The following DACH2 variants were observed in gnomAD, a reference collection of about 807,000 sequenced individuals.
DACH2 encodes dachshund homolog 2.
Under a neutral mutation model 35.8 loss-of-function variants are expected in DACH2, and 17 were observed. The observed-to-expected ratio is 0.48, with a 90% CI of 0.33 to 0.71. DACH2 has a LOEUF of 0.71. Among genes scored for constraint, DACH2 ranks in the 30% least tolerant of loss-of-function variants. DACH2 has a pLI of 0.02. For missense variants in DACH2, 469 were observed against 472.7 expected, an observed-to-expected ratio of 0.99 and a Z score of 0.07; for synonymous variants, 195 against 177.3, an observed-to-expected ratio of 1.10 and a Z score of -0.79.
chrX:86,497,868 T>A (rs2038195472), intron 2 of DACH2, among the ~76,000 whole-genome samples: 1 of 111,055 alleles, frequency 9.0e-6, no homozygotes, highest in Non-Finnish European at 1.9e-5. Context: ...GTGGCACATG[T>A]CTGTAGTCCC....
chrX:86,808,159 G>A (rs1002633631), intron 7 of DACH2, among the ~76,000 whole-genome samples: 2 of 111,720 alleles, frequency 1.8e-5, no homozygotes, highest in African/African-American at 6.5e-5. Flanking sequence ...TAATGTATCC[G>A]CTCCTTAATG....
chrX:86,742,749 G>A (rs1312406078), intron 7 of DACH2: 5 of 281,874 alleles, frequency 1.8e-5, no homozygotes, highest in Non-Finnish European at 2.7e-5. Flanking sequence ...TTGCTTATTT[G>A]ATACACATAT....
intron 1 of DACH2, among the ~76,000 whole-genome samples, chrX:86,223,833 T>C (rs1046756643): frequency 8.9e-6 from 1 of 112,295 alleles, no homozygotes; most frequent in African/African-American, 3.2e-5. Context: ...TTGTTGGGGT[T>C]GTGGTTATCT....
chrX:86,515,380 C>A (rs2148271638), intron 3 of DACH2, among the ~76,000 whole-genome samples: 1 of 110,030 alleles, frequency 9.1e-6, no homozygotes, highest in East Asian at 2.9e-4. Context: ...GTAGGCTGAG[C>A]ATTGGACAGA....
chrX:86,561,843 A>T (rs1177996421), intron 3 of DACH2, among the ~76,000 whole-genome samples: 1 of 73,757 alleles, frequency 1.4e-5, no homozygotes, highest in Non-Finnish European at 2.5e-5. Context: ...TGGCACATGT[A>T]TACATATGTA....
intron 3 of DACH2, among the ~76,000 whole-genome samples, chrX:86,624,123 A>G (rs2040105497): frequency 9.1e-6 from 1 of 109,443 alleles, no homozygotes; most frequent in Admixed American, 9.7e-5. Context: ...GAGTCAATAA[A>G]TCTCCTTTAG....
rs777584567 is a variant in DACH2, at chrX:86,487,389, A to G, written c.528-26890A>G. ...TTGTGTATAAGGTGCTATTCCAGGA[A>G]CGGTGGTAGGCTTAAAGATGAAATT... On this transcript the variant is annotated intron_variant, in intron 2 of 11. Coordinates refer to ENST00000373125, the MANE Select transcript of DACH2 (RefSeq NM_053281.3). Among the ~76,000 whole-genome samples the G allele has an allele frequency of 6.3e-5, 7 of 111,981 alleles. No individual in the cohort carries two copies. The East Asian group carries it at 2.0e-3, about 32-fold the overall frequency.
chrX:86,770,657 A>T (rs750039384), intron 7 of DACH2, among the ~76,000 whole-genome samples: 1 of 111,767 alleles, frequency 8.9e-6, no homozygotes, highest in Non-Finnish European at 1.9e-5. Flanking sequence ...TACATTCCTT[A>T]TTTTTCCGGG....
chrX:86,500,859 AC>A (rs780477328), intron 2 of DACH2, among the ~76,000 whole-genome samples: 3 of 111,832 alleles, frequency 2.7e-5, no homozygotes, highest in Non-Finnish European at 5.6e-5. Context: ...GCAGTAAGTA[AC>A]CTTTTGCATG....
intron 4 of DACH2, among the ~76,000 whole-genome samples, chrX:86,676,520 G>A (rs1411120686): frequency 9.0e-6 from 1 of 111,642 alleles, no homozygotes; most frequent in African/African-American, 3.3e-5. Flanking sequence ...AACTTTCTGC[G>A]ATGATGGAAA....
chrX:86,432,040 C>A (rs751225804), intron 2 of DACH2, among the ~76,000 whole-genome samples: 1 of 111,666 alleles, frequency 9.0e-6, no homozygotes, highest in African/African-American at 3.2e-5. Flanking sequence ...AGTTTAAGGT[C>A]CAGAGAAAAC....
intron 3 of DACH2, among the ~76,000 whole-genome samples, chrX:86,630,523 C>T (rs867931392): frequency 9.1e-6 from 1 of 110,490 alleles, no homozygotes. Flanking sequence ...GGAAGTTTCT[C>T]ACCCAATTTC....
intron 3 of DACH2, among the ~76,000 whole-genome samples, chrX:86,576,814 C>G (rs1375994144): frequency 2.7e-5 from 3 of 110,531 alleles, no homozygotes; most frequent in Non-Finnish European, 5.7e-5. Flanking sequence ...CCCCTGAGAA[C>G]TGACTGTTGA....
intron 1 of DACH2, among the ~76,000 whole-genome samples, chrX:86,272,228 A>G (rs758682279): frequency 0.038 from 2,812 of 73,376 alleles, 80 homozygotes; most frequent in African/African-American, 0.13. Flanking sequence ...GTGTGTGTGT[A>G]TATCACATTT....
chrX:86,761,748 G>A (rs759975809), intron 7 of DACH2, among the ~76,000 whole-genome samples: 15 of 111,220 alleles, frequency 1.3e-4, no homozygotes, highest in South Asian at 3.8e-4. Flanking sequence ...AGGCTGTGGC[G>A]AACTTTTTCT....
intron 7 of DACH2, among the ~76,000 whole-genome samples, chrX:86,780,242 A>C (rs1333782666): frequency 9.1e-6 from 1 of 110,342 alleles, no homozygotes; most frequent in Non-Finnish European, 1.9e-5. Flanking sequence ...CACACAAATG[A>C]GAAAGAAACA....
At chrX:86,589,713 CT>C (rs2039619599) in intron 3 of DACH2, among the ~76,000 whole-genome samples, 1 of 111,430 alleles carries the variant, frequency 9.0e-6, no homozygotes, top group Non-Finnish European at 1.9e-5. Flanking sequence ...CCCTGAATGC[CT>C]GATAACCACT....
intron 3 of DACH2, among the ~76,000 whole-genome samples, chrX:86,625,160 A>G (rs1192930443): frequency 3.7e-5 from 4 of 109,137 alleles, no homozygotes; most frequent in Non-Finnish European, 7.6e-5. Flanking sequence ...AGAATATTCT[A>G]CCTTACAAAT....
chrX:86,356,385 G>A (rs1406791120), intron 1 of DACH2, among the ~76,000 whole-genome samples: 5 of 104,976 alleles, frequency 4.8e-5, no homozygotes, highest in African/African-American at 1.8e-4. Flanking sequence ...TGTTCTATTG[G>A]TCTATGTGTC....
Sources: gnomAD v4.1 joint callset for allele counts (sites outside exome capture counted in the v4.1 genomes callset) on GRCh38, gnomAD v4.1.1 for gene constraint, MANE v1.5 for transcripts, NCBI Gene and HGNC (gene_info 2026-07-23, HGNC 2026-07-21) for gene names.